The following NBPF3 variants were observed in gnomAD, a reference collection of about 807,000 sequenced individuals.
NBPF3 encodes the protein NBPF family member NBPF3.
Under a neutral mutation model 78.1 loss-of-function variants are expected in NBPF3, and 57 were observed. That is an observed-to-expected ratio of 0.73 (90% CI 0.59 to 0.91). The LOEUF (loss-of-function observed/expected upper bound fraction) is 0.91. Among genes scored for constraint, NBPF3 ranks in the 40% least tolerant of loss-of-function variants. The pLI, the probability that NBPF3 is intolerant of heterozygous loss-of-function variation, is 0.00. For synonymous variants in NBPF3, 182 were observed against 271.7 expected (o/e 0.67, Z 3.25); for missense variants, 510 against 715.3 (o/e 0.71, Z 3.27).
intron 7 of NBPF3, among the ~76,000 whole-genome samples, chr1:21,474,182 C>G (rs536762941): frequency 1.3e-5 from 2 of 150,824 alleles, no homozygotes; most frequent in African/African-American, 2.4e-5. Flanking sequence ...TTCTCTCTCT[C>G]TTTTTCTTTT....
intron 2 of NBPF3, among the ~76,000 whole-genome samples, chr1:21,466,593 A>G (rs1294305161): frequency 6.6e-6 from 1 of 152,288 alleles, no homozygotes; most frequent in Non-Finnish European, 1.5e-5. Context: ...GTGATCTCCC[A>G]TACTGTTAAA....
chr1:21,477,766 T>C (rs1642962428), intron 8 of NBPF3, among the ~76,000 whole-genome samples: 1 of 152,252 alleles, frequency 6.6e-6, no homozygotes, highest in Non-Finnish European at 1.5e-5. Context: ...AAGATCTGTG[T>C]CTGCACTGCC....
intron 2 of NBPF3, among the ~76,000 whole-genome samples, chr1:21,454,927 G>T (rs965388050): frequency 6.6e-6 from 1 of 152,234 alleles, no homozygotes; most frequent in Non-Finnish European, 1.5e-5. Flanking sequence ...CTGAAATTAG[G>T]CTGGGTTTCT....
In NBPF3 at chr1:21,471,765, G is replaced by A. The variant is rs764106342; in HGVS notation, c.643G>A (p.Val215Ile). The change falls in exon 5 of 15, where the codon GTC becomes ATC. Residue 215 changes from valine (V) to isoleucine (I), a missense_variant. Physicochemically the swap from Val to Ile is conservative, Grantham distance 29 (BLOSUM62 3). This residue lies in a region of NBPF3 where 440 missense variants were observed against 478.2 expected (regional missense o/e 0.92). Coordinates refer to ENST00000318249, the MANE Select transcript of NBPF3 (RefSeq NM_032264.6). ...GGGATGTAGGCTGGCACAGCACCTC[G>A]TCCAAAAGCTCAGCCCAGGTGAGGT... is the stretch of plus-strand genomic sequence containing the variant. Reference protein sequence around the residue: ...AEGCRLAQHLVQKLSPENDDD... With the variant: ...AEGCRLAQHLIQKLSPENDDD... 3.8e-5 allele frequency: 61 copies of A among 1,612,788 alleles called. No individual in the cohort carries two copies. The highest frequency in any genetic ancestry group is 4.6e-5 in the Non-Finnish European group (54 of 1,179,786).
rs1643370041 is a variant in NBPF3, at chr1:21,484,373, G to T, written c.*987G>T. Reference sequence around the variant, plus strand: ...TGTTGTCATTGATTTTGGTGACATGGACTTGTTTGTAGAGGACAGGTCAGC... The same window carrying T: ...TGTTGTCATTGATTTTGGTGACATGTACTTGTTTGTAGAGGACAGGTCAGC... On this transcript the variant is annotated 3_prime_UTR_variant, in exon 15 of 15. Transcript: ENST00000318249. 1 of 124,200 alleles carries T rather than the reference G, an allele frequency of 8.1e-6. No individual in the cohort carries two copies. Among genetic ancestry groups the T allele is most frequent in the African/African-American group, 2.9e-5 (1 of 34,564 alleles). 7.7% of individuals were successfully genotyped at this position (124,200 alleles called of 1,614,324 possible).
chr1:21,463,096 G>A (rs4061686), intron 2 of NBPF3, among the ~76,000 whole-genome samples: 5 of 152,186 alleles, frequency 3.3e-5, no homozygotes, highest in African/African-American at 1.2e-4. Flanking sequence ...TTCATATTGA[G>A]CAATCTTCCC....
chr1:21,443,290 G>C (rs914492693), intron 1 of NBPF3, among the ~76,000 whole-genome samples: 1 of 152,226 alleles, frequency 6.6e-6, no homozygotes, highest in Non-Finnish European at 1.5e-5. Context: ...TAATTCAGAT[G>C]TGTTGGGCGT....
intron 4 of NBPF3, among the ~76,000 whole-genome samples, chr1:21,470,962 T>C (rs1642555733): frequency 6.6e-6 from 1 of 152,166 alleles, no homozygotes; most frequent in African/African-American, 2.4e-5. Flanking sequence ...AACAAGTAAT[T>C]GTTGAGGTGA....
Position 21,471,925 on chromosome 1 carries a change from G to C in NBPF3, c.661+142G>C, listed in dbSNP as rs550065494. 59 of 1,176,968 alleles carry C rather than the reference G, an allele frequency of 5.0e-5. No individual in the cohort carries two copies. In the African/African-American group the frequency reaches 8.4e-4, roughly 17 times the overall value. 72.9% of individuals were successfully genotyped at this position (1,176,968 alleles called of 1,614,324 possible). On this transcript the variant is annotated intron_variant, in intron 5 of 14. Transcript: ENST00000318249. Reference sequence around the variant, plus strand: ...GGCCGTGACATAAGTGACATAACCAGGACTTCCTGGGTAAGAACAGAGGTG... The same window carrying C: ...GGCCGTGACATAAGTGACATAACCACGACTTCCTGGGTAAGAACAGAGGTG...
chr1:21,481,394 CT>C lies in NBPF3; in HGVS notation c.1434-202del, dbSNP rs1350541165. Among the ~76,000 whole-genome samples, 15 of 19,096 alleles carry C rather than the reference CT, an allele frequency of 7.9e-4. No individual in the cohort carries two copies. The South Asian group carries it at 0.087, about 111-fold the overall frequency. The allele number at this position is 19,096 out of a possible 152,430, so 12.5% of individuals were successfully genotyped here. ...TCACTCTCTCTCTCTCTGCCTCTGT[CT>C]CTCTGTCTCTCTGTCTTTCTCTTTC... On this transcript the variant is annotated intron_variant, in intron 12 of 14. Coordinates refer to ENST00000318249, the MANE Select transcript of NBPF3 (RefSeq NM_032264.6).
upstream of NBPF3, chr1:21,436,958 T>C (rs1640438312): frequency 2.7e-6 from 1 of 370,708 alleles, no homozygotes; most frequent in African/African-American, 2.1e-5. This position sits in a 1 kb window ranked among gnomAD's most constrained non-coding sequence, Gnocchi z 4.3. Context: ...AGAAATAGTG[T>C]CTGAGAGTGT....
intron 2 of NBPF3, among the ~76,000 whole-genome samples, chr1:21,461,380 C>T (rs1012399623): frequency 3.9e-5 from 6 of 152,178 alleles, no homozygotes; most frequent in African/African-American, 1.2e-4. Flanking sequence ...CCAAACAAAA[C>T]GAAACAAGGG....
At chr1:21,453,859 A>G (rs558402417) in intron 2 of NBPF3, 10 of 152,336 alleles carry the variant, frequency 6.6e-5, no homozygotes, top group African/African-American at 2.4e-4. Flanking sequence ...GAAGCCTTCA[A>G]TGCTGCCACC....
intron 3 of NBPF3, among the ~76,000 whole-genome samples, chr1:21,469,805 C>G (rs554418940): frequency 6.6e-6 from 1 of 152,148 alleles, no homozygotes; most frequent in Non-Finnish European, 1.5e-5. Flanking sequence ...GAAGAAGGAT[C>G]GCACCCGAGA....
rs369461935 is a variant in NBPF3 at position 21,452,729 on chromosome 1, G to A, written c.133+7510G>A. On this transcript the variant is annotated intron_variant, in intron 2 of 14. Coordinates refer to ENST00000318249, the MANE Select transcript of NBPF3 (RefSeq NM_032264.6). ...AGTGGCTGATGCTGCCCCTGACTCT[G>A]GGACCATGTGGTCTCTTGTTCCCTG... Among the ~76,000 whole-genome samples, 6 of 152,302 alleles carry A rather than the reference G, an allele frequency of 3.9e-5. No homozygotes were observed. The South Asian group carries it at 1.0e-3, about 26-fold the overall frequency.
chr1:21,470,597 C>G (rs750558809), intron 3 of NBPF3, 35 bp from the exon 4 acceptor site: 1 of 1,531,470 alleles, frequency 6.5e-7, no homozygotes, highest in Non-Finnish European at 9.0e-7. Context: ...CATGTCCAGC[C>G]TTTCACTGAG....
chr1:21,456,031 T>C (rs537017825), intron 2 of NBPF3, among the ~76,000 whole-genome samples: 201 of 152,310 alleles, frequency 1.3e-3, no homozygotes, highest in Non-Finnish European at 2.1e-4. Flanking sequence ...TTCACCAACC[T>C]GGTAAAGCCT....
intron 2 of NBPF3, among the ~76,000 whole-genome samples, chr1:21,462,398 G>C (rs1157799508): frequency 6.6e-6 from 1 of 152,102 alleles, no homozygotes; most frequent in Non-Finnish European, 1.5e-5. Context: ...TTATTAAGCT[G>C]TGCCTTTAGG....
intron 2 of NBPF3, among the ~76,000 whole-genome samples, chr1:21,448,220 C>G (rs2147909748): frequency 6.6e-6 from 1 of 152,140 alleles, no homozygotes; most frequent in African/African-American, 2.4e-5. Flanking sequence ...CCCAAGATCC[C>G]CAAGATTTTC....
Sources: allele counts gnomAD v4.1 joint callset (sites outside exome capture counted in the v4.1 genomes callset), GRCh38; gene constraint gnomAD v4.1.1; regional missense constraint gnomAD v4.1.1; non-coding constraint Gnocchi (gnomAD v3.1); transcripts MANE v1.5; gene names NCBI Gene and HGNC (gene_info 2026-07-23, HGNC 2026-07-21).